CROCC: variants seen among roughly 807,000 people sequenced by gnomAD.
The protein encoded by CROCC is ciliary rootlet coiled-coil, rootletin.
A neutral mutation model predicts 245.2 loss-of-function variants in CROCC; 180 were observed. The ratio of observed to expected loss-of-function variants is 0.73; its 90% CI spans 0.65 to 0.83. CROCC has a LOEUF of 0.83. Among genes scored for constraint, CROCC ranks in the 40% least tolerant of loss-of-function variants. The pLI is 0.00. For synonymous variants in CROCC, 1,205 were observed against 1,241.6 expected, an observed-to-expected ratio of 0.97 and a Z score of 0.62; for missense variants, 2,688 against 2,779.4, an observed-to-expected ratio of 0.97 and a Z score of 0.74.
chr1:16,946,987 C>T lies in CROCC; in HGVS notation c.2510C>T (p.Ala837Val), dbSNP rs779186741. 5.4e-5 allele frequency: 84 copies of T among 1,550,410 alleles called. No individual in the cohort carries two copies. The Admixed American group carries it at 6.1e-4, about 11-fold the overall frequency. The change falls in exon 17 of 37, where the codon GCG (alanine) becomes GTG (valine). Residue 837 changes from alanine (A) to valine (V), a missense_variant. Ala to Val is a moderately conservative substitution (Grantham distance 64). Around this residue, in one of 9 missense-constraint regions of CROCC, gnomAD observed 295 missense variants for 241.7 expected, o/e 1.22. Coordinates refer to ENST00000375541, the MANE Select transcript of CROCC (RefSeq NM_014675.5). ...CGCAGCCAGCTGCAGGAGCAGCTAGCGCAGGTGGGCAAAGCTGTGTGTGGG... is the reference window on the plus strand; with the variant it reads ...CGCAGCCAGCTGCAGGAGCAGCTAGTGCAGGTGGGCAAAGCTGTGTGTGGG... ...HERSQLQEQL[A>V]QLSRQLSGRE...
At chr1:16,914,662 G>A (rs1261647693) in intron 1 of CROCC, among the ~76,000 whole-genome samples, 3 of 152,300 alleles carry the variant, frequency 2.0e-5, no homozygotes, top group Non-Finnish European at 4.4e-5. Flanking sequence ...TGCTGTGCGG[G>A]GATGGGGCCC....
Position 16,940,078 on chromosome 1 carries a change from A to G in CROCC, c.1793A>G (p.Asn598Ser), listed in dbSNP as rs1453886791. ...GAGGTGCAGCGGCTGCGGAGCGCCA[A>G]CGAGCTCCTGAGCAGGTGCCGGGGA... is the stretch of plus-strand genomic sequence containing the variant. The part of the protein sequence containing the change: ...QREVQRLRSA[N>S]ELLSREKSNL... Residue 598 changes from asparagine (N) to serine (S), a missense_variant, in exon 13 of 37, where the codon AAC becomes AGC. Coordinates refer to ENST00000375541, the MANE Select transcript of CROCC (RefSeq NM_014675.5). 1.9e-6 allele frequency: 3 copies of G among 1,605,620 alleles called. No homozygotes were observed. In the African/African-American group the frequency reaches 4.0e-5, roughly 21 times the overall value.
Position 16,960,796 on chromosome 1 carries a change from C to A in CROCC, c.4071C>A (p.Gly1357=). ...VAQRKLQEQE[G]EFRTRERRLL... is the part of the protein sequence containing the mutation. ...AGCGGAAGCTGCAGGAACAAGAAGGCGAGTTCCGGACCCGCGAGCGACGCC... is the reference window on the plus strand; with the variant it reads ...AGCGGAAGCTGCAGGAACAAGAAGGAGAGTTCCGGACCCGCGAGCGACGCC... Residue 1357 remains glycine, a synonymous_variant, in exon 27 of 37, where the codon GGC becomes GGA. Coordinates refer to ENST00000375541, the MANE Select transcript of CROCC (RefSeq NM_014675.5). 1 of 1,537,748 alleles carries A rather than the reference C, an allele frequency of 6.5e-7. No homozygotes were observed. Among genetic ancestry groups the A allele is most frequent in the Non-Finnish European group, 8.7e-7 (1 of 1,149,492 alleles).
intron 16 of CROCC, 64 bp downstream of exon 16, chr1:16,946,469 C>A: frequency 6.3e-7 from 1 of 1,576,310 alleles, no homozygotes; most frequent in South Asian, 1.2e-5. Flanking sequence ...AGTGAGGCAC[C>A]CCGGGCCCAG....
chr1:16,934,538 A>C (rs2075746850), intron 8 of CROCC, among the ~76,000 whole-genome samples: 1 of 152,222 alleles, frequency 6.6e-6, no homozygotes, highest in Admixed American at 6.5e-5. Flanking sequence ...CCTGGGCTAA[A>C]GCAGTGCACC....
At chr1:16,964,619 G>A (rs1433043741) in intron 27 of CROCC, among the ~76,000 whole-genome samples, 1 of 151,864 alleles carries the variant, frequency 6.6e-6, no homozygotes, top group East Asian at 1.9e-4. Context: ...TGCTGACCTC[G>A]TGATCTGCCC....
chr1:16,921,167 G>A (rs1316824935), upstream of CROCC, among the ~76,000 whole-genome samples: 9 of 152,264 alleles, frequency 5.9e-5, no homozygotes, highest in South Asian at 2.1e-4. Context: ...ATCCCCGGAC[G>A]GCTCCGAGAG....
At chr1:16,928,999 G>C (rs2075601252) in intron 3 of CROCC, among the ~76,000 whole-genome samples, 1 of 152,216 alleles carries the variant, frequency 6.6e-6, no homozygotes, top group Non-Finnish European at 1.5e-5. Context: ...GCTAATTTTT[G>C]TATTTTTAGT....
At chr1:16,944,808 T>G (rs2076010099) in intron 14 of CROCC, among the ~76,000 whole-genome samples, 4 of 152,286 alleles carry the variant, frequency 2.6e-5, no homozygotes, top group Admixed American at 6.5e-5. Flanking sequence ...TCTTCACCAC[T>G]GCGCTGCTTA....
chr1:16,960,065 G>A (rs975971671), intron 26 of CROCC, among the ~76,000 whole-genome samples: 2 of 152,170 alleles, frequency 1.3e-5, no homozygotes, highest in South Asian at 2.1e-4. Context: ...CCAGGAGTTC[G>A]AGAGCAGTCT....
At chr1:16,959,267 A>G (rs926074706) in intron 26 of CROCC, among the ~76,000 whole-genome samples, 1 of 152,060 alleles carries the variant, frequency 6.6e-6, no homozygotes, top group Non-Finnish European at 1.5e-5. Flanking sequence ...CAGGTGATCC[A>G]CCTGCCTCGG....
At chr1:16,955,969 G>C in intron 24 of CROCC, 28 bp from the exon 25 acceptor site, 6 of 1,548,600 alleles carry the variant, frequency 3.9e-6, no homozygotes, top group Non-Finnish European at 4.4e-6. Context: ...CAGGACCCAG[G>C]GCAGCCCCTG....
intron 27 of CROCC, among the ~76,000 whole-genome samples, chr1:16,962,658 G>C (rs1177637328): frequency 1.3e-5 from 2 of 150,522 alleles, no homozygotes; most frequent in African/African-American, 2.4e-5. Flanking sequence ...AAAGGCATGA[G>C]ACACTGTGCC....
In CROCC at chr1:16,944,289, A is replaced by G. The variant is rs1283933493; in HGVS notation, c.1991+7A>G. The stretch of plus-strand genomic sequence containing the variant: ...GCCGGGAGCTTGAGCGCAGGTGAGC[A>G]GCATCTCGCCACCCTGCCAGGACCC... On this transcript the variant is annotated splice_region_variant and intron_variant, in intron 14 of 36. Transcript: ENST00000375541. 3.9e-6 allele frequency: 6 copies of G among 1,528,424 alleles called. No individual in the cohort carries two copies. The highest frequency in any genetic ancestry group is 5.3e-6 in the Non-Finnish European group (6 of 1,135,988). The allele number at this position is 1,528,424 out of a possible 1,614,324, so 94.7% of individuals were successfully genotyped here. A position where few individuals can be genotyped will look rare whatever the true frequency, so the allele number is the denominator to read the frequency against.
chr1:16,948,173 G>C (rs1444709599), intron 17 of CROCC, among the ~76,000 whole-genome samples, 158 bp from the exon 18 acceptor site: 1 of 152,286 alleles, frequency 6.6e-6, no homozygotes, highest in Non-Finnish European at 1.5e-5. Context: ...TCTAGAGAAG[G>C]TCATGACTTG....
chr1:16,957,761 A>G (rs115225148), intron 25 of CROCC, among the ~76,000 whole-genome samples: 2,952 of 152,256 alleles, frequency 0.019, 97 homozygotes, highest in African/African-American at 0.068. Context: ...AATTTTTTTA[A>G]TTAAAAAAAT....
chr1:16,936,913 G>A, intron 9 of CROCC, 40 bp downstream of exon 9: 2 of 1,569,212 alleles, frequency 1.3e-6, no homozygotes, highest in South Asian at 1.1e-5. Flanking sequence ...AGGCGTCCCT[G>A]CAGAAGGTAA....
At chr1:16,925,855 G>C (rs538689408) in intron 3 of CROCC, among the ~76,000 whole-genome samples, 1 of 152,258 alleles carries the variant, frequency 6.6e-6, no homozygotes, top group African/African-American at 2.4e-5. Context: ...GGTCTGCAGC[G>C]GGTGTGTAGG....
chr1:16,925,357 G>A (rs1428762254), intron 3 of CROCC, among the ~76,000 whole-genome samples: 1 of 152,274 alleles, frequency 6.6e-6, no homozygotes, highest in Non-Finnish European at 1.5e-5. Flanking sequence ...CCATGTAACA[G>A]AGGAGAAAAC....
Sources: allele counts gnomAD v4.1 joint callset (sites outside exome capture counted in the v4.1 genomes callset), GRCh38; gene constraint gnomAD v4.1.1; regional missense constraint gnomAD v4.1.1; transcripts MANE v1.5; gene names NCBI Gene and HGNC (gene_info 2026-07-23, HGNC 2026-07-21).